The following PRMT9 variants were observed in gnomAD, a reference collection of about 807,000 sequenced individuals.
PRMT9 encodes the protein protein arginine methyltransferase 9, also known as protein arginine N-methyltransferase 9.
A neutral mutation model predicts 83.2 loss-of-function variants in PRMT9; 59 were observed. The observed-to-expected ratio is 0.71, with a 90% CI of 0.57 to 0.88. PRMT9 has a LOEUF of 0.88. Among genes scored for constraint, PRMT9 ranks in the 40% least tolerant of loss-of-function variants. The pLI is 0.00. For synonymous variants in PRMT9, 333 were observed against 353.2 expected (o/e 0.94, Z 0.64); for missense variants, 947 against 1,021.9 (o/e 0.93, Z 1.00).
Position 147,660,895 on chromosome 4 carries a change from G to A in PRMT9, c.1097C>T (p.Ala366Val), listed in dbSNP as rs370172285. Reference sequence around the variant, plus strand: ...CATAATTTCAAAGCACTCTGTCAAAGCCAAATATCCTCCAGGAACTCGACT... The same window carrying A: ...CATAATTTCAAAGCACTCTGTCAAAACCAAATATCCTCCAGGAACTCGACT... ...KMSRVPGGYL[A>V]LTECFEIMTV... Residue 366 changes from alanine (A) to valine (V), a missense_variant, in exon 7 of 12, where the codon GCT (alanine) becomes GTT (valine). Physicochemically the swap from Ala to Val is moderately conservative, Grantham distance 64. Transcript: ENST00000322396. 1.4e-5 allele frequency: 23 copies of A among 1,613,670 alleles called. No individual in the cohort carries two copies. The highest frequency in any genetic ancestry group is 1.8e-5 in the Non-Finnish European group (21 of 1,179,820).
chr4:147,668,647 T>C lies in PRMT9; in HGVS notation c.847-2A>G. 1 of 1,522,036 alleles carries C rather than the reference T, an allele frequency of 6.6e-7. No homozygotes were observed. The highest frequency in any genetic ancestry group is 9.1e-7 in the Non-Finnish European group (1 of 1,097,234). The allele number at this position is 1,522,036 out of a possible 1,614,324, so 94.3% of individuals were successfully genotyped here. ...ACAATTAGCACTTTCACCTTTGGTCTAAAAAAAATAACAATAAGAATTATG... is the reference window on the plus strand; with the variant it reads ...ACAATTAGCACTTTCACCTTTGGTCCAAAAAAAATAACAATAAGAATTATG... On this transcript the variant is annotated splice_acceptor_variant, in intron 5 of 11. Transcript: ENST00000322396. LOFTEE classifies it high-confidence loss of function.
At chr4:147,683,587 A>G (rs1736642206) in intron 1 of PRMT9, among the ~76,000 whole-genome samples, 1 of 151,966 alleles carries the variant, frequency 6.6e-6, no homozygotes, top group Non-Finnish European at 1.5e-5. Context: ...GCAAACACCC[A>G]ACCAAGCACC....
chr4:147,675,435 A>C (rs1736006066), intron 2 of PRMT9, among the ~76,000 whole-genome samples: 1 of 152,208 alleles, frequency 6.6e-6, no homozygotes, highest in Non-Finnish European at 1.5e-5. Flanking sequence ...TTTTCAGTTA[A>C]TATATGTTAT....
At chr4:147,656,792 A>AAAAG (rs1266357169) in intron 8 of PRMT9, among the ~76,000 whole-genome samples, 13 of 149,200 alleles carry the variant, frequency 8.7e-5, no homozygotes, top group East Asian at 4.0e-4. Context: ...AAAAAAAAAA[A>AAAAG]AAAGAAAGAA....
chr4:147,641,722 C>T (rs1310679318), intron 10 of PRMT9, among the ~76,000 whole-genome samples: 2 of 152,138 alleles, frequency 1.3e-5, no homozygotes, highest in Non-Finnish European at 1.5e-5. Context: ...AGTGCAGTGT[C>T]GTGATTTCAG....
intron 9 of PRMT9, among the ~76,000 whole-genome samples, chr4:147,645,013 AC>A (rs1458399568): frequency 1.3e-5 from 2 of 152,244 alleles, no homozygotes; most frequent in Non-Finnish European, 2.9e-5. Context: ...TATCATATGT[AC>A]ATTTCACAGT....
intron 6 of PRMT9, among the ~76,000 whole-genome samples, chr4:147,665,490 G>C (rs28416759): frequency 0.012 from 1,762 of 152,266 alleles, 38 homozygotes; most frequent in African/African-American, 0.04. Flanking sequence ...CAGTGGGAGA[G>C]TCTTCAAGCA....
chr4:147,670,003 G>C (rs1735623289), intron 5 of PRMT9, among the ~76,000 whole-genome samples: 1 of 152,160 alleles, frequency 6.6e-6, no homozygotes, highest in African/African-American at 2.4e-5. Context: ...CTGTAAGACT[G>C]AAAGTACCTC....
intron 9 of PRMT9, among the ~76,000 whole-genome samples, chr4:147,643,596 A>C (rs1384955407): frequency 6.6e-6 from 1 of 152,242 alleles, no homozygotes; most frequent in East Asian, 1.9e-4. Context: ...ACAGTCTCCA[A>C]GTATCACCCC....
At position 147,684,154 on chromosome 4, in the gene PRMT9, G is replaced by T; in HGVS notation, c.-167C>A. On this transcript the variant is annotated 5_prime_UTR_variant, in exon 1 of 12. Transcript: ENST00000322396. ...CAACCCCAGCCCAGGCGGAAGCTCC[G>T]CCCCGTCCTGGCCCCGCGGGCGGCG... The T allele has an allele frequency of 1.2e-6, 1 of 802,452 alleles. No homozygotes were observed. The highest frequency in any genetic ancestry group is 2.0e-6 in the Non-Finnish European group (1 of 494,286). The allele number at this position is 802,452 out of a possible 1,614,324, so 49.7% of individuals were successfully genotyped here. A position where few individuals can be genotyped will look rare whatever the true frequency, so the allele number is the denominator to read the frequency against.
intron 2 of PRMT9, 57 bp downstream of exon 2, chr4:147,680,266 C>T: frequency 2.0e-6 from 3 of 1,501,880 alleles, no homozygotes; most frequent in South Asian, 1.1e-5. Flanking sequence ...ATGATTTATC[C>T]CTATCCAGAC....
intron 2 of PRMT9, among the ~76,000 whole-genome samples, chr4:147,678,625 A>T (rs1322439476): frequency 6.6e-6 from 1 of 152,140 alleles, no homozygotes; most frequent in Non-Finnish European, 1.5e-5. Flanking sequence ...TGATTATACA[A>T]ACAATGTGGT....
At chr4:147,675,137 C>A (rs1021463763) in intron 2 of PRMT9, among the ~76,000 whole-genome samples, 1 of 152,142 alleles carries the variant, frequency 6.6e-6, no homozygotes, top group Non-Finnish European at 1.5e-5. Context: ...TGCGCCACCA[C>A]GTCCGGCTAA....
At chr4:147,675,349 G>C (rs1031669220) in intron 2 of PRMT9, among the ~76,000 whole-genome samples, 1 of 152,052 alleles carries the variant, frequency 6.6e-6, no homozygotes, top group Admixed American at 6.6e-5. Flanking sequence ...AAGTCCAAAC[G>C]GGACTGCACT....
intron 9 of PRMT9, among the ~76,000 whole-genome samples, chr4:147,650,829 A>G (rs143249176): frequency 0.021 from 3,238 of 152,224 alleles, 61 homozygotes; most frequent in Non-Finnish European, 0.035. Context: ...CAAGGCGGGC[A>G]CGGTGGCTCA....
rs1428477300 is a variant in PRMT9 at position 147,638,499 on chromosome 4, CTATT to C, written c.*29_*32del. On this transcript the variant is annotated 3_prime_UTR_variant, in exon 12 of 12. Transcript: ENST00000322396. Reference sequence around the variant, plus strand: ...CAAGAATTTTGTACTTGTTGATGCTCTATTTACACAGTTTTCATTGGAAAACTGC... The same window carrying C: ...CAAGAATTTTGTACTTGTTGATGCTCTACACAGTTTTCATTGGAAAACTGC... The C allele has an allele frequency of 6.5e-7, 1 of 1,537,176 alleles. No homozygotes were observed. Among genetic ancestry groups the C allele is most frequent in the African/African-American group, 1.4e-5 (1 of 73,316 alleles).
intron 4 of PRMT9, chr4:147,672,177 A>T (rs1034194912): frequency 5.2e-5 from 13 of 251,008 alleles, no homozygotes; most frequent in Non-Finnish European, 1.0e-4. Context: ...ATGAGAATAA[A>T]TGTAGAGACG....
At chr4:147,676,658 A>C (rs969267202) in intron 2 of PRMT9, among the ~76,000 whole-genome samples, 1 of 152,244 alleles carries the variant, frequency 6.6e-6, no homozygotes, top group Non-Finnish European at 1.5e-5. Context: ...CATGTTAATT[A>C]AGACTATTAA....
At chr4:147,656,494 C>T (rs1449602513) in intron 8 of PRMT9, among the ~76,000 whole-genome samples, 4 of 151,858 alleles carry the variant, frequency 2.6e-5, no homozygotes, top group Non-Finnish European at 4.4e-5. Context: ...GTCTTGCAGC[C>T]GGGCACGGTG....
Sources: gnomAD v4.1 joint callset for allele counts (sites outside exome capture counted in the v4.1 genomes callset) on GRCh38, gnomAD v4.1.1 for gene constraint, MANE v1.5 for transcripts, NCBI Gene and HGNC (gene_info 2026-07-23, HGNC 2026-07-21) for gene names.